KCNA2: variants seen among roughly 807,000 people sequenced by gnomAD.
KCNA2 encodes potassium voltage-gated channel subfamily A member 2.
KCNA2 carries 11 observed loss-of-function variants against 33.4 expected under a neutral mutation model. That is an observed-to-expected ratio of 0.33 (90% CI 0.21 to 0.55). The LOEUF is 0.55. KCNA2 is among the 20% of genes least tolerant of loss of function. The probability of loss-of-function intolerance (pLI) is 0.93; values close to 1 mark genes in which losing one functional copy is unlikely to be tolerated. For missense variants in KCNA2, 291 were observed against 621.6 expected (o/e 0.47, Z 5.66); for synonymous variants, 222 against 231.3 (o/e 0.96, Z 0.37).
At chr1:110,609,455 G>A (rs957171933), upstream of KCNA2, among the ~76,000 whole-genome samples, 1 of 152,176 alleles carries the variant, frequency 6.6e-6, no homozygotes, top group African/African-American at 2.4e-5. Flanking sequence ...AATGGAGGCA[G>A]TGAGAGGTGA....
intron 1 of KCNA2, among the ~76,000 whole-genome samples, chr1:110,629,890 A>C (rs1650501470): frequency 1.3e-5 from 2 of 152,168 alleles, no homozygotes; most frequent in Admixed American, 1.3e-4. Context: ...AAGAAAGAAA[A>C]GGGTATTCAT....
At chr1:110,611,770 T>C (rs536071592) in intron 1 of KCNA2, among the ~76,000 whole-genome samples, 2 of 150,490 alleles carry the variant, frequency 1.3e-5, no homozygotes, top group East Asian at 3.9e-4. Context: ...TGCCTGTAAT[T>C]CTAACACTCT....
At chr1:110,622,237 A>G (rs1288255966) in intron 1 of KCNA2, among the ~76,000 whole-genome samples, 5 of 152,184 alleles carry the variant, frequency 3.3e-5, no homozygotes, top group Non-Finnish European at 7.4e-5. Flanking sequence ...AATATGAAAA[A>G]GCAAAACCAC....
Position 110,594,055 on chromosome 1 carries a change from C to T in KCNA2, c.*9228G>A. On this transcript the variant is annotated 3_prime_UTR_variant, in exon 3 of 3. Coordinates refer to ENST00000316361, the MANE Select transcript of KCNA2 (RefSeq NM_004974.4). ...TCTTATCACCATGGAGACCCCAGTT[C>T]CCTTTCGGCATCATCCTTACGAAGC... The T allele has an allele frequency of 6.7e-7, 1 of 1,484,278 alleles. No homozygotes were observed. Among genetic ancestry groups the T allele is most frequent in the South Asian group, 1.4e-5 (1 of 71,930 alleles). 91.9% of individuals were successfully genotyped at this position (1,484,278 alleles called of 1,614,324 possible).
In KCNA2 at chr1:110,598,866, T is replaced by C. The variant is rs115770323; in HGVS notation, c.*4417A>G. On this transcript the variant is annotated 3_prime_UTR_variant, in exon 3 of 3. Coordinates refer to ENST00000316361, the MANE Select transcript of KCNA2 (RefSeq NM_004974.4). ...GCTCCTAAAAAGTTTACTCTGAAAT[T>C]TGACCCACTCAGCCACTCTCTCTTC... 1.4e-3 allele frequency: 1,391 copies of C among 985,420 alleles called. 15 individuals are homozygous for C. The African/African-American group carries it at 0.023, about 16-fold the overall frequency. 61.0% of individuals were successfully genotyped at this position (985,420 alleles called of 1,614,324 possible). A position where few individuals can be genotyped will look rare whatever the true frequency, so the allele number is the denominator to read the frequency against.
Position 110,597,346 on chromosome 1 carries a change from G to A in KCNA2, c.*5937C>T, listed in dbSNP as rs921703842. 2.5e-5 allele frequency: 25 copies of A among 984,980 alleles called. No homozygotes were observed. The highest frequency in any genetic ancestry group is 2.5e-4 in the Admixed American group (4 of 16,264). The allele number at this position is 984,980 out of a possible 1,614,324, so 61.0% of individuals were successfully genotyped here. A position where few individuals can be genotyped will look rare whatever the true frequency, so the allele number is the denominator to read the frequency against. On this transcript the variant is annotated 3_prime_UTR_variant, in exon 3 of 3. Coordinates refer to ENST00000316361, the MANE Select transcript of KCNA2 (RefSeq NM_004974.4). ...TTCTTATCTATTGGGAAGTGCTTTC[G>A]TGTAGGCTTCCATTACATCTGCCAG...
At position 110,601,363 on chromosome 1, in the gene KCNA2, G is replaced by A; in HGVS notation, c.*1920C>T. 1 of 985,414 alleles carries A rather than the reference G, an allele frequency of 1.0e-6. No individual in the cohort carries two copies. The highest frequency in any genetic ancestry group is 1.2e-6 in the Non-Finnish European group (1 of 829,934). The allele number at this position is 985,414 out of a possible 1,614,324, so 61.0% of individuals were successfully genotyped here. A position where few individuals can be genotyped will look rare whatever the true frequency, so the allele number is the denominator to read the frequency against. On this transcript the variant is annotated 3_prime_UTR_variant, in exon 3 of 3. Transcript: ENST00000316361. ...TTGGTGTCCTTGGTTTCAAAGCAGG[G>A]GATCCATTCTGGCTCTTTAGCGAAA...
Position 110,604,525 on chromosome 1 carries a change from A to G in KCNA2, c.258T>C (p.Asp86=), listed in dbSNP as rs1649512388. 1 of 1,614,138 alleles carries G rather than the reference A, an allele frequency of 6.2e-7. No homozygotes were observed. Among genetic ancestry groups the G allele is most frequent in the South Asian group, 1.1e-5 (1 of 91,094 alleles). ...YFFDRNRPSF[D]AILYYYQSGG... is the part of the protein sequence containing the mutation. ...CTGACTGGTAGTAGTACAAAATGGC[A>G]TCAAAGCTAGGGCGGTTCCGATCGA... Residue 86 remains aspartate, a synonymous_variant, in exon 3 of 3, where the codon GAT becomes GAC. Coordinates refer to ENST00000316361, the MANE Select transcript of KCNA2 (RefSeq NM_004974.4). The surrounding 1 kb of genome is among the most constrained non-coding windows in gnomAD (Gnocchi z 7.6).
In KCNA2 at chr1:110,598,931, G is replaced by A. The variant is rs539515309; in HGVS notation, c.*4352C>T. 2.8e-5 allele frequency: 28 copies of A among 985,178 alleles called. No individual in the cohort carries two copies. In the East Asian group the frequency reaches 1.1e-3, roughly 40 times the overall value. 61.0% of individuals were successfully genotyped at this position (985,178 alleles called of 1,614,324 possible). A position where few individuals can be genotyped will look rare whatever the true frequency, so the allele number is the denominator to read the frequency against. On this transcript the variant is annotated 3_prime_UTR_variant, in exon 3 of 3. Transcript: ENST00000316361. ...ACCTTTCCTGGGCCTATTCCTTTTC[G>A]GTCTCCTGAAAACTCCAAGTTTCTT...
chr1:110,594,684 G>C lies in KCNA2; in HGVS notation c.*8599C>G. The C allele has an allele frequency of 3.0e-6, 3 of 985,346 alleles. No homozygotes were observed. Among genetic ancestry groups the C allele is most frequent in the Non-Finnish European group, 2.4e-6 (2 of 829,958 alleles). 61.0% of individuals were successfully genotyped at this position (985,346 alleles called of 1,614,324 possible). A position where few individuals can be genotyped will look rare whatever the true frequency, so the allele number is the denominator to read the frequency against. ...CAAGCACGACAACAAAAGGAAACTG[G>C]GTCGCTGGATCCCACGTGAAGGCAG... On this transcript the variant is annotated 3_prime_UTR_variant, in exon 3 of 3. Transcript: ENST00000316361.
At chr1:110,617,626 A>G (rs1650109253) in intron 1 of KCNA2, among the ~76,000 whole-genome samples, 1 of 152,226 alleles carries the variant, frequency 6.6e-6, no homozygotes, top group Non-Finnish European at 1.5e-5. Context: ...CATTTGTTCA[A>G]TAGGTGAACG....
chr1:110,601,827 TGTATAC>T lies in KCNA2; in HGVS notation c.*1450_*1455del. The stretch of plus-strand genomic sequence containing the variant: ...GTGTGTGTGTGTGTGTGTGTGTGTG[TGTATAC>T]ATATACACACATATGTATGTATATA... On this transcript the variant is annotated 3_prime_UTR_variant, in exon 3 of 3. Transcript: ENST00000316361. The T allele has an allele frequency of 7.4e-7, 1 of 1,356,774 alleles. No individual in the cohort carries two copies. The highest frequency in any genetic ancestry group is 1.5e-5 in the African/African-American group (1 of 67,542). 84.0% of individuals were successfully genotyped at this position (1,356,774 alleles called of 1,614,324 possible).
At chr1:110,613,064 T>C (rs1649931394) in intron 1 of KCNA2, among the ~76,000 whole-genome samples, 1 of 152,234 alleles carries the variant, frequency 6.6e-6, no homozygotes, top group South Asian at 2.1e-4. Flanking sequence ...TTTATCTCAG[T>C]GACTTCCAGG....
chr1:110,597,278 T>C lies in KCNA2; in HGVS notation c.*6005A>G. ...AGCAAAAGGATCAAGTAATGGCTTT[T>C]AGTGCATGGAAATGATCTTCTGTAA... On this transcript the variant is annotated 3_prime_UTR_variant, in exon 3 of 3. Coordinates refer to ENST00000316361, the MANE Select transcript of KCNA2 (RefSeq NM_004974.4). The C allele has an allele frequency of 1.0e-6, 1 of 985,416 alleles. No homozygotes were observed. The highest frequency in any genetic ancestry group is 1.2e-6 in the Non-Finnish European group (1 of 829,906). 61.0% of individuals were successfully genotyped at this position (985,416 alleles called of 1,614,324 possible).
rs2101354107 is a variant in KCNA2, at chr1:110,595,468, G to C, written c.*7815C>G. The C allele has an allele frequency of 1.0e-6, 1 of 985,380 alleles. No individual in the cohort carries two copies. The highest frequency in any genetic ancestry group is 1.7e-5 in the African/African-American group (1 of 57,310). 61.0% of individuals were successfully genotyped at this position (985,380 alleles called of 1,614,324 possible). ...AGACTGGAGGGCTTCTGTGGGTGTG[G>C]GGAGATGGCAGACACCCCTGCACCA... On this transcript the variant is annotated 3_prime_UTR_variant, in exon 3 of 3. Coordinates refer to ENST00000316361, the MANE Select transcript of KCNA2 (RefSeq NM_004974.4).
In KCNA2 at chr1:110,600,577, A is replaced by C. The variant is rs372865680; in HGVS notation, c.*2706T>G. The C allele has an allele frequency of 2.0e-6, 2 of 985,356 alleles. No homozygotes were observed. The highest frequency in any genetic ancestry group is 2.3e-4 in the East Asian group (2 of 8,816). 61.0% of individuals were successfully genotyped at this position (985,356 alleles called of 1,614,324 possible). ...ATGTTTTATGTTTGTGTGTGACAAC[A>C]GTGTACCTATTTTGTGGTGAATGTG... On this transcript the variant is annotated 3_prime_UTR_variant, in exon 3 of 3. Transcript: ENST00000316361.
Position 110,593,765 on chromosome 1 carries a change from A to G in KCNA2, c.*9518T>C. The G allele has an allele frequency of 8.7e-7, 1 of 1,148,280 alleles. No homozygotes were observed. Among genetic ancestry groups the G allele is most frequent in the Admixed American group, 2.3e-5 (1 of 42,894 alleles). The allele number at this position is 1,148,280 out of a possible 1,614,324, so 71.1% of individuals were successfully genotyped here. On this transcript the variant is annotated 3_prime_UTR_variant, in exon 3 of 3. Coordinates refer to ENST00000316361, the MANE Select transcript of KCNA2 (RefSeq NM_004974.4). ...TGTTCATTGAGGCACATATGTACAC[A>G]TATATGTATAACCTATGTACAAATA...
At chr1:110,624,074 G>C (rs1204985585) in intron 1 of KCNA2, among the ~76,000 whole-genome samples, 1 of 152,134 alleles carries the variant, frequency 6.6e-6, no homozygotes, top group Non-Finnish European at 1.5e-5. Context: ...AATCTACTTT[G>C]GTAAATAATT....
chr1:110,593,977 T>C lies in KCNA2; in HGVS notation c.*9306A>G, dbSNP rs2101346322. 3 of 1,548,794 alleles carry C rather than the reference T, an allele frequency of 1.9e-6. No homozygotes were observed. The South Asian group carries it at 3.6e-5, about 18-fold the overall frequency. Reference sequence around the variant, plus strand: ...ATAGTTAAATGACTCCCAACTCCCATGAGTCTTCCCCGCAAGTCCTGCTCC... The same window carrying C: ...ATAGTTAAATGACTCCCAACTCCCACGAGTCTTCCCCGCAAGTCCTGCTCC... On this transcript the variant is annotated 3_prime_UTR_variant, in exon 3 of 3. Transcript: ENST00000316361.
Sources: gnomAD v4.1 joint callset for allele counts (sites outside exome capture counted in the v4.1 genomes callset) on GRCh38, gnomAD v4.1.1 for gene constraint, Gnocchi (gnomAD v3.1) non-coding constraint, MANE v1.5 for transcripts, NCBI Gene and HGNC (gene_info 2026-07-23, HGNC 2026-07-21) for gene names.